Variants in DMD observed in about 807,000 individuals in gnomAD.
DMD encodes the protein mutant dystrophin.
Under a neutral mutation model 330.1 loss-of-function variants are expected in DMD, and 63 were observed. The ratio of observed to expected loss-of-function variants is 0.19; its 90% CI spans 0.16 to 0.24. The LOEUF (loss-of-function observed/expected upper bound fraction) is 0.24. Among genes scored for constraint, DMD ranks in the 10% least tolerant of loss-of-function variants. The pLI is 1.00. For missense variants in DMD, 3,344 were observed against 2,684.1 expected, an observed-to-expected ratio of 1.25 and a Z score of -5.43; for synonymous variants, 1,223 against 959.8, an observed-to-expected ratio of 1.27 and a Z score of -5.07.
intron 49 of DMD, among the ~76,000 whole-genome samples, chrX:31,824,276 T>G (rs1465973650): frequency 9.0e-6 from 1 of 111,048 alleles, no homozygotes; most frequent in African/African-American, 3.3e-5. Flanking sequence ...TTTCTTTTTT[T>G]TTTTTAGATG....
intron 9 of DMD, among the ~76,000 whole-genome samples, chrX:32,667,071 G>A (rs1375762198): frequency 1.8e-5 from 2 of 111,040 alleles, no homozygotes; most frequent in African/African-American, 6.6e-5. Flanking sequence ...ATATGCAATT[G>A]AATATTATTC....
chrX:33,303,879 GAACT>G (rs2053709843), intron 1 of DMD, among the ~76,000 whole-genome samples: 2 of 111,178 alleles, frequency 1.8e-5, no homozygotes, highest in African/African-American at 6.5e-5. Flanking sequence ...GTGTGAGAAT[GAACT>G]AATACACTTA....
intron 44 of DMD, among the ~76,000 whole-genome samples, chrX:32,065,343 A>G (rs780102668): frequency 9.0e-6 from 1 of 111,301 alleles, no homozygotes; most frequent in African/African-American, 3.2e-5. Context: ...AAGACCTACC[A>G]TTATTACACT....
At chrX:32,483,108 C>G (rs964233801) in intron 21 of DMD, among the ~76,000 whole-genome samples, 1 of 86,258 alleles carries the variant, frequency 1.2e-5, no homozygotes, top group African/African-American at 4.0e-5. Context: ...TTAACAAAAT[C>G]AACTGCTATG....
At chrX:33,177,561 T>G (rs1215311530) in intron 1 of DMD, among the ~76,000 whole-genome samples, 2 of 110,572 alleles carry the variant, frequency 1.8e-5, no homozygotes, top group Non-Finnish European at 3.8e-5. Context: ...ATTTTTTGTA[T>G]TTTTAGTAGA....
intron 55 of DMD, among the ~76,000 whole-genome samples, chrX:31,611,937 G>A (rs1479167792): frequency 2.7e-5 from 3 of 111,141 alleles, no homozygotes; most frequent in Non-Finnish European, 5.7e-5. Context: ...TTTTGATATA[G>A]GCCTACAATG....
At chrX:32,692,409 G>T (rs888530588) in intron 9 of DMD, among the ~76,000 whole-genome samples, 8 of 111,237 alleles carry the variant, frequency 7.2e-5, no homozygotes, top group Non-Finnish European at 1.3e-4. Context: ...TCTAAGGAGT[G>T]GTCTCCCTGG....
At chrX:32,208,264 G>C (rs1398171938) in intron 44 of DMD, among the ~76,000 whole-genome samples, 1 of 112,085 alleles carries the variant, frequency 8.9e-6, no homozygotes, top group African/African-American at 3.2e-5. Flanking sequence ...GGTATTCTGG[G>C]ATATACGACC....
At chrX:32,025,020 C>T (rs761577607) in intron 44 of DMD, among the ~76,000 whole-genome samples, 1 of 111,363 alleles carries the variant, frequency 9.0e-6, no homozygotes, top group South Asian at 3.7e-4. Flanking sequence ...TTAGTTGAAC[C>T]TGGTTGGTAG....
At chrX:32,521,806 CA>C (rs2046452360) in intron 17 of DMD, among the ~76,000 whole-genome samples, 1 of 111,922 alleles carries the variant, frequency 8.9e-6, no homozygotes, top group African/African-American at 3.2e-5. Flanking sequence ...TTTTGTGCCC[CA>C]CAAAAGTTCG....
At chrX:32,721,391 T>C (rs938458961) in intron 7 of DMD, among the ~76,000 whole-genome samples, 1 of 110,528 alleles carries the variant, frequency 9.0e-6, no homozygotes, top group African/African-American at 3.3e-5. Flanking sequence ...TTTTAGATAA[T>C]ACTCATCCTA....
In DMD at chrX:31,978,678, G is replaced by C. The variant is rs145686294; in HGVS notation, c.6439-10164C>G. ...CTTCATCCATGCTTCAGTGCAATTA[G>C]ACAACTCACAGTGACGTCCTGGTCA... On this transcript the variant is annotated intron_variant, in intron 44 of 78. Transcript: ENST00000357033. Among the ~76,000 whole-genome samples, 241 of 111,553 alleles carry C rather than the reference G, an allele frequency of 2.2e-3. 1 individual carries two copies. The highest frequency in any genetic ancestry group is 0.017 in the East Asian group (60 of 3,485).
At chrX:32,955,163 G>A (rs1265061539) in intron 2 of DMD, among the ~76,000 whole-genome samples, 2 of 111,968 alleles carry the variant, frequency 1.8e-5, no homozygotes, top group Admixed American at 9.5e-5. Flanking sequence ...CACCAACAAT[G>A]TATACGTGCT....
intron 1 of DMD, among the ~76,000 whole-genome samples, chrX:33,066,104 G>A (rs932784769): frequency 7.3e-5 from 8 of 109,235 alleles, no homozygotes; most frequent in African/African-American, 1.7e-4. Flanking sequence ...AGGGTTAAAC[G>A]GAAGCAAAAG....
At chrX:31,386,413 G>A (rs747694827) in intron 60 of DMD, among the ~76,000 whole-genome samples, 14 of 111,991 alleles carry the variant, frequency 1.3e-4, no homozygotes, top group East Asian at 5.6e-4. Flanking sequence ...GTTGATGGGG[G>A]TTGGTTTTCC....
intron 41 of DMD, among the ~76,000 whole-genome samples, chrX:32,315,295 C>A (rs1183489041): frequency 9.0e-6 from 1 of 110,971 alleles, no homozygotes; most frequent in Admixed American, 9.6e-5. Flanking sequence ...GAACAGAAAA[C>A]CAAACACTGC....
At chrX:31,593,156 C>T (rs956778808) in intron 55 of DMD, among the ~76,000 whole-genome samples, 3 of 111,191 alleles carry the variant, frequency 2.7e-5, no homozygotes, top group African/African-American at 9.8e-5. Flanking sequence ...AATTTGTAAA[C>T]CGCATATAGA....
chrX:32,691,134 T>C (rs776520396), intron 9 of DMD, among the ~76,000 whole-genome samples: 40 of 110,967 alleles, frequency 3.6e-4, no homozygotes, highest in Non-Finnish European at 6.6e-4. Context: ...AAATGAATTA[T>C]ATAAAGAATA....
intron 29 of DMD, among the ~76,000 whole-genome samples, chrX:32,419,019 A>G (rs747730792): frequency 3.8e-5 from 4 of 106,373 alleles, no homozygotes; most frequent in African/African-American, 1.4e-4. Context: ...CTTGAAGCAC[A>G]CATTGTATTG....
Sources: gnomAD v4.1 joint callset for allele counts (sites outside exome capture counted in the v4.1 genomes callset) on GRCh38, gnomAD v4.1.1 for gene constraint, MANE v1.5 for transcripts, NCBI Gene and HGNC (gene_info 2026-07-23, HGNC 2026-07-21) for gene names.